The following AGBL4 variants were observed in gnomAD, a reference collection of about 807,000 sequenced individuals.
The protein encoded by AGBL4 is AGBL carboxypeptidase 4.
Under a neutral mutation model 66.4 loss-of-function variants are expected in AGBL4, and 58 were observed. That is an observed-to-expected ratio of 0.87 (90% CI 0.71 to 1.09). The LOEUF is 1.09. AGBL4 is among the 50% of genes least tolerant of loss of function. AGBL4 has a pLI of 0.00. For synonymous variants in AGBL4, 234 were observed against 222.9 expected (o/e 1.05, Z -0.44); for missense variants, 579 against 631.0 (o/e 0.92, Z 0.88).
intron 3 of AGBL4, among the ~76,000 whole-genome samples, chr1:49,554,298 A>G (rs560772133): frequency 6.6e-6 from 1 of 152,364 alleles, no homozygotes; most frequent in South Asian, 2.1e-4. Flanking sequence ...TGCCAAAGAC[A>G]GATTTATCTC....
Position 49,980,232 on chromosome 1 carries a change from A to T in AGBL4, c.34+43531T>A, listed in dbSNP as rs569731901. Among the ~76,000 whole-genome samples, 52 of 152,108 alleles carry T rather than the reference A, an allele frequency of 3.4e-4. 1 individual carries two copies. The South Asian group carries it at 9.6e-3, about 28-fold the overall frequency. On this transcript the variant is annotated intron_variant, in intron 1 of 13. Transcript: ENST00000371839. ...TTCAAGGGTCAATCACATAGCAGAA[A>T]TTTTTTATCTTTAATTTTAGTAAAA...
At chr1:49,442,511 C>T (rs1217491561) in intron 3 of AGBL4, among the ~76,000 whole-genome samples, 2 of 152,168 alleles carry the variant, frequency 1.3e-5, no homozygotes, top group African/African-American at 4.8e-5. Flanking sequence ...CTAGCAATAT[C>T]TTTCTGTGCC....
intron 1 of AGBL4, among the ~76,000 whole-genome samples, chr1:49,967,977 A>G (rs1468073403): frequency 2.0e-5 from 3 of 152,126 alleles, no homozygotes; most frequent in Non-Finnish European, 4.4e-5. Context: ...TAATTCCAGC[A>G]CTTTGGGAGA....
At chr1:49,957,169 T>C (rs1038357293) in intron 1 of AGBL4, among the ~76,000 whole-genome samples, 1 of 151,568 alleles carries the variant, frequency 6.6e-6, no homozygotes, top group Non-Finnish European at 1.5e-5. Flanking sequence ...TAAATAAGAG[T>C]GTAATTAAAT....
At chr1:48,810,107 A>T (rs1412853060) in intron 6 of AGBL4, among the ~76,000 whole-genome samples, 1 of 152,146 alleles carries the variant, frequency 6.6e-6, no homozygotes, top group Non-Finnish European at 1.5e-5. Flanking sequence ...TCATTTACTC[A>T]TTCACTCATT....
At chr1:48,961,072 C>T (rs1204757251) in intron 5 of AGBL4, among the ~76,000 whole-genome samples, 1 of 147,022 alleles carries the variant, frequency 6.8e-6, no homozygotes, top group African/African-American at 2.7e-5. Context: ...GGGCAGATCC[C>T]AGTCTGGGGT....
At chr1:49,512,999 C>T (rs1649418020) in intron 3 of AGBL4, among the ~76,000 whole-genome samples, 2 of 151,992 alleles carry the variant, frequency 1.3e-5, no homozygotes, top group South Asian at 4.1e-4. Flanking sequence ...ATTATATAGA[C>T]TGACCAGGAA....
chr1:48,849,262 C>T (rs1294335027), intron 6 of AGBL4, among the ~76,000 whole-genome samples: 2 of 152,160 alleles, frequency 1.3e-5, no homozygotes, highest in African/African-American at 2.4e-5. Context: ...TGGCCTTTGC[C>T]TTTATTTTTT....
intron 3 of AGBL4, among the ~76,000 whole-genome samples, chr1:49,530,279 A>AAAAAAAAAAAAAAAAAAAAAC (rs1305492702): frequency 6.8e-6 from 1 of 147,228 alleles, no homozygotes; most frequent in African/African-American, 2.5e-5. Flanking sequence ...AAAACAAAAA[A>AAAAAAAAAAAAAAAAAAAAAC]AAACTCTATG....
chr1:48,639,938 A>G (rs1645728095), intron 8 of AGBL4, among the ~76,000 whole-genome samples: 2 of 152,314 alleles, frequency 1.3e-5, no homozygotes, highest in African/African-American at 4.8e-5. Context: ...CTGCCTAAAG[A>G]CAGAGGAACG....
At chr1:49,431,420 GTCACAC>G (rs769984894) in intron 3 of AGBL4, among the ~76,000 whole-genome samples, 146 of 152,100 alleles carry the variant, frequency 9.6e-4, no homozygotes, top group Middle Eastern at 3.2e-3. Flanking sequence ...ATCTAGATGT[GTCACAC>G]TCTTTTCTCT....
chr1:49,571,602 A>T (rs908392029), intron 3 of AGBL4, among the ~76,000 whole-genome samples: 3 of 151,972 alleles, frequency 2.0e-5, no homozygotes. Context: ...GGACTTTCAG[A>T]AGTATGTAGA....
chr1:49,141,152 T>G (rs1646110363), intron 4 of AGBL4, among the ~76,000 whole-genome samples: 1 of 152,172 alleles, frequency 6.6e-6, no homozygotes, highest in African/African-American at 2.4e-5. Flanking sequence ...TAACAAACAT[T>G]GCAAATACAA....
At chr1:49,371,952 C>T (rs533550342) in intron 3 of AGBL4, among the ~76,000 whole-genome samples, 3 of 151,572 alleles carry the variant, frequency 2.0e-5, no homozygotes, top group Non-Finnish European at 4.4e-5. Context: ...TTACATATTT[C>T]TTTCTACTGG....
chr1:49,281,005 T>A (rs1244676311), intron 3 of AGBL4, among the ~76,000 whole-genome samples: 1 of 152,206 alleles, frequency 6.6e-6, no homozygotes, highest in African/African-American at 2.4e-5. Flanking sequence ...TTACCGTATA[T>A]ATAATTTGTT....
At chr1:48,776,941 G>C (rs1236595509) in intron 6 of AGBL4, 3 of 569,140 alleles carry the variant, frequency 5.3e-6, no homozygotes, top group Admixed American at 4.4e-5. Context: ...GGGGGGGCGG[G>C]GGCGGCTCCC....
intron 4 of AGBL4, among the ~76,000 whole-genome samples, chr1:49,159,063 A>G (rs1426322934): frequency 6.6e-6 from 1 of 150,524 alleles, no homozygotes; most frequent in Non-Finnish European, 1.5e-5. Flanking sequence ...GCCCATTTCC[A>G]TTTAAGTTAA....
chr1:48,875,442 C>G (rs1376465709), intron 5 of AGBL4, among the ~76,000 whole-genome samples: 1 of 152,112 alleles, frequency 6.6e-6, no homozygotes, highest in Admixed American at 6.5e-5. Context: ...TCACTCAAAG[C>G]TGAAATAAAA....
chr1:49,057,743 G>A (rs1361321956), intron 4 of AGBL4, among the ~76,000 whole-genome samples: 1 of 151,826 alleles, frequency 6.6e-6, no homozygotes, highest in Non-Finnish European at 1.5e-5. Context: ...TGTGGTGCTT[G>A]TTTGTTTATA....
Sources: allele counts gnomAD v4.1 joint callset (sites outside exome capture counted in the v4.1 genomes callset), GRCh38; gene constraint gnomAD v4.1.1; transcripts MANE v1.5; gene names NCBI Gene and HGNC (gene_info 2026-07-23, HGNC 2026-07-21).